The following FNDC3A variants were observed in gnomAD, a reference collection of about 807,000 sequenced individuals.
FNDC3A encodes the protein fibronectin type-III domain-containing protein 3A.
FNDC3A carries 32 observed loss-of-function variants against 148.9 expected under a neutral mutation model. The observed-to-expected ratio is 0.21, with a 90% CI of 0.16 to 0.29. The LOEUF (loss-of-function observed/expected upper bound fraction) is 0.29. Ranked by LOEUF, FNDC3A falls within the 10% of genes least tolerant of loss-of-function variation. FNDC3A has a pLI of 1.00. For synonymous variants in FNDC3A, 472 were observed against 473.6 expected, an observed-to-expected ratio of 1.00 and a Z score of 0.04; for missense variants, 1,191 against 1,452.8, an observed-to-expected ratio of 0.82 and a Z score of 2.93.
At chr13:49,156,395 A>T (rs964335814) in intron 8 of FNDC3A, among the ~76,000 whole-genome samples, 5 of 149,318 alleles carry the variant, frequency 3.3e-5, no homozygotes, top group Non-Finnish European at 7.4e-5. Flanking sequence ...CCATCCTTTT[A>T]TTTTGAGCCT....
In FNDC3A at chr13:48,983,372, T is replaced by A; in HGVS notation, c.-40+7195T>A. Among the ~76,000 whole-genome samples, 2 of 152,228 alleles carry A rather than the reference T, an allele frequency of 1.3e-5. 1 individual carries two copies. The highest frequency in any genetic ancestry group is 3.8e-4 in the East Asian group (2 of 5,204). ...CTATTCAACTATGAACTCCTTGAGT[T>A]TGACCAGTACTACTGGAGTCAGCAA... On this transcript the variant is annotated intron_variant, in intron 1 of 25. Coordinates refer to ENST00000492622, the MANE Select transcript of FNDC3A (RefSeq NM_001079673.2).
intron 2 of FNDC3A, among the ~76,000 whole-genome samples, chr13:49,069,559 A>G (rs1254987615): frequency 2.6e-5 from 4 of 152,166 alleles, no homozygotes; most frequent in Admixed American, 6.5e-5. Context: ...TGCCTGGCCA[A>G]TTCCTACTGA....
chr13:49,188,660 T>C, intron 17 of FNDC3A, 27 bp downstream of exon 17: 1 of 1,504,180 alleles, frequency 6.6e-7, no homozygotes, highest in Non-Finnish European at 9.2e-7. Context: ...GATTCTTTTG[T>C]GTTGTTATTA....
intron 2 of FNDC3A, chr13:49,044,936 G>A: frequency 3.4e-6 from 1 of 294,362 alleles, no homozygotes; most frequent in Non-Finnish European, 6.6e-6. Context: ...AGCTGTAGAT[G>A]TACTACCCTG....
At chr13:49,147,361 A>T (rs997205658) in intron 8 of FNDC3A, among the ~76,000 whole-genome samples, 1 of 152,150 alleles carries the variant, frequency 6.6e-6, no homozygotes, top group Non-Finnish European at 1.5e-5. Flanking sequence ...CCAGTTCATT[A>T]AAATGTACTT....
At chr13:49,180,575 A>G (rs1885253315) in intron 14 of FNDC3A, among the ~76,000 whole-genome samples, 1 of 152,196 alleles carries the variant, frequency 6.6e-6, no homozygotes, top group African/African-American at 2.4e-5. Flanking sequence ...GCATTCCAAC[A>G]GGTCTCCTAA....
intron 25 of FNDC3A, among the ~76,000 whole-genome samples, chr13:49,203,715 C>T (rs1032805127): frequency 2.0e-5 from 3 of 152,136 alleles, no homozygotes; most frequent in Admixed American, 6.5e-5. Context: ...ACTCAGCTGA[C>T]ATTTCAGCAT....
chr13:49,026,102 T>C (rs537528017), intron 2 of FNDC3A, among the ~76,000 whole-genome samples: 1 of 152,312 alleles, frequency 6.6e-6, no homozygotes, highest in Admixed American at 6.5e-5. Flanking sequence ...TATTTTATTG[T>C]GTGAATCTAT....
At chr13:48,987,912 T>C (rs973865018) in intron 1 of FNDC3A, 1 of 152,228 alleles carries the variant, frequency 6.6e-6, no homozygotes, top group Non-Finnish European at 1.5e-5. Flanking sequence ...CATAAATTTG[T>C]GCGTGCTTTG....
In FNDC3A at chr13:49,188,650, G is replaced by C. The variant is rs1885714879; in HGVS notation, c.1944+17G>C. On this transcript the variant is annotated intron_variant, in intron 17 of 25. Transcript: ENST00000492622. ...CAGAGTGCGGTAATACTTATATGTA[G>C]ATTCTTTTGTGTTGTTATTAAGTTT... 1 of 1,530,498 alleles carries C rather than the reference G, an allele frequency of 6.5e-7. No individual in the cohort carries two copies. The highest frequency in any genetic ancestry group is 2.3e-5 in the East Asian group (1 of 44,276). The allele number at this position is 1,530,498 out of a possible 1,614,324, so 94.8% of individuals were successfully genotyped here. A position where few individuals can be genotyped will look rare whatever the true frequency, so the allele number is the denominator to read the frequency against.
chr13:49,175,682 T>G (rs1015669169), intron 13 of FNDC3A, 141 bp downstream of exon 13: 1 of 573,280 alleles, frequency 1.7e-6, no homozygotes, highest in East Asian at 3.0e-5. Context: ...CTCTTCCTAT[T>G]TGAATACGCT....
chr13:49,182,663 CTT>C (rs1885367255), intron 14 of FNDC3A, among the ~76,000 whole-genome samples: 1 of 151,514 alleles, frequency 6.6e-6, no homozygotes, highest in African/African-American at 2.4e-5. Context: ...TTTTTGAGGT[CTT>C]TTTATAGGTA....
At chr13:49,031,660 G>A (rs1400156279) in intron 2 of FNDC3A, among the ~76,000 whole-genome samples, 2 of 151,872 alleles carry the variant, frequency 1.3e-5, no homozygotes, top group South Asian at 2.1e-4. Flanking sequence ...CCTAAAATAA[G>A]AGCTAAATTG....
intron 3 of FNDC3A, among the ~76,000 whole-genome samples, chr13:49,111,028 G>A (rs187896035): frequency 6.6e-6 from 1 of 152,204 alleles, no homozygotes; most frequent in East Asian, 1.9e-4. Context: ...GATTATAAAG[G>A]AGCTGCTAAG....
At chr13:49,169,513 C>T (rs551795113) in intron 10 of FNDC3A, among the ~76,000 whole-genome samples, 39 of 152,174 alleles carry the variant, frequency 2.6e-4, no homozygotes, top group Non-Finnish European at 4.7e-4. Flanking sequence ...GGGCTATTAG[C>T]GCCCTTGATC....
intron 2 of FNDC3A, among the ~76,000 whole-genome samples, chr13:49,035,446 C>A (rs750472791): frequency 2.0e-5 from 3 of 151,874 alleles, no homozygotes; most frequent in Non-Finnish European, 4.4e-5. Flanking sequence ...ACAGAATTTA[C>A]CTTTGTAGAA....
In FNDC3A at chr13:49,167,292, T is replaced by C; in HGVS notation, c.1026T>C (p.Asp342=). The change falls in exon 9 of 26, where the codon GAT becomes GAC. Residue 342 remains aspartate, a synonymous_variant. Coordinates refer to ENST00000492622, the MANE Select transcript of FNDC3A (RefSeq NM_001079673.2). ...ITLNDLKPAM[D]YHAKVQAEYN... is the part of the protein sequence containing the mutation. ...TAAATGATCTCAAGCCAGCCATGGA[T>C]TACCATGCAAAGTAAGGAATTCCTA... 1 of 1,602,364 alleles carries C rather than the reference T, an allele frequency of 6.2e-7. No individual in the cohort carries two copies. The highest frequency in any genetic ancestry group is 8.5e-7 in the Non-Finnish European group (1 of 1,172,614).
At chr13:49,108,808 G>A (rs1446654212) in intron 3 of FNDC3A, among the ~76,000 whole-genome samples, 3 of 152,118 alleles carry the variant, frequency 2.0e-5, no homozygotes, top group Non-Finnish European at 4.4e-5. Flanking sequence ...TTGCCCTTTG[G>A]TCTCGTTTTT....
chr13:49,197,100 C>T (rs187912632), intron 20 of FNDC3A, 110 bp downstream of exon 20: 15 of 540,200 alleles, frequency 2.8e-5, no homozygotes, highest in East Asian at 2.6e-4. Flanking sequence ...ACAGAGTAAG[C>T]CCTAGTTTAA....
Sources: gnomAD v4.1 joint callset for allele counts (sites outside exome capture counted in the v4.1 genomes callset) on GRCh38, gnomAD v4.1.1 for gene constraint, MANE v1.5 for transcripts, NCBI Gene and HGNC (gene_info 2026-07-23, HGNC 2026-07-21) for gene names.